SORCS2: variants seen among roughly 807,000 people sequenced by gnomAD.
The protein encoded by SORCS2 is sortilin related VPS10 domain containing receptor 2.
SORCS2 carries 100 observed loss-of-function variants against 141.6 expected under a neutral mutation model. That is an observed-to-expected ratio of 0.71 (90% CI 0.60 to 0.83). The LOEUF (loss-of-function observed/expected upper bound fraction) is 0.83. SORCS2 is among the 40% of genes least tolerant of loss of function. The pLI, the probability that SORCS2 is intolerant of heterozygous loss-of-function variation, is 0.00. For synonymous variants in SORCS2, 789 were observed against 676.9 expected, an observed-to-expected ratio of 1.17 and a Z score of -2.57; for missense variants, 1,646 against 1,560.2, an observed-to-expected ratio of 1.05 and a Z score of -0.93.
intron 3 of SORCS2, among the ~76,000 whole-genome samples, chr4:7,622,617 G>A (rs1291800373): frequency 2.6e-5 from 4 of 152,086 alleles, no homozygotes; most frequent in African/African-American, 2.4e-5. Context: ...GTGGGAGGGC[G>A]CCTGGCCGGG....
intron 2 of SORCS2, among the ~76,000 whole-genome samples, chr4:7,422,368 C>A (rs1226317799): frequency 6.6e-6 from 1 of 152,174 alleles, no homozygotes; most frequent in Non-Finnish European, 1.5e-5. Flanking sequence ...GGATGCCCTG[C>A]CCGCTTCTAC....
intron 3 of SORCS2, among the ~76,000 whole-genome samples, chr4:7,603,132 A>G (rs933905457): frequency 2.6e-5 from 4 of 151,102 alleles, no homozygotes; most frequent in African/African-American, 4.9e-5. Flanking sequence ...TCCGCTCGGC[A>G]TCAGAGGGAG....
chr4:7,396,480 C>A, intron 2 of SORCS2, 125 bp downstream of exon 2: 3 of 908,534 alleles, frequency 3.3e-6, no homozygotes, highest in East Asian at 5.3e-5. Context: ...GGCCTCGCAA[C>A]TTTTCTTTGG....
At chr4:7,536,017 G>A (rs1057448919) in intron 3 of SORCS2, among the ~76,000 whole-genome samples, 9 of 152,362 alleles carry the variant, frequency 5.9e-5, no homozygotes, top group East Asian at 1.9e-4. Flanking sequence ...CTGGCAGTGC[G>A]CTTCTGCCTC....
chr4:7,533,687 C>G (rs1711855131), intron 3 of SORCS2, among the ~76,000 whole-genome samples: 1 of 152,236 alleles, frequency 6.6e-6, no homozygotes, highest in Non-Finnish European at 1.5e-5. Flanking sequence ...CCAAGAGAGA[C>G]TCTGAGGCCC....
chr4:7,409,091 A>G (rs1209116550), intron 2 of SORCS2, among the ~76,000 whole-genome samples: 1 of 152,188 alleles, frequency 6.6e-6, no homozygotes, highest in Non-Finnish European at 1.5e-5. Context: ...TACTTTGTCC[A>G]TTTTGGGAGA....
chr4:7,476,567 C>G (rs12499489), intron 2 of SORCS2, among the ~76,000 whole-genome samples: 20,921 of 151,858 alleles, frequency 0.14, 1,934 homozygotes, highest in South Asian at 0.25. Context: ...TAAAACCTGT[C>G]ACCTTTCTCT....
At chr4:7,327,938 T>C (rs1013825389) in intron 1 of SORCS2, among the ~76,000 whole-genome samples, 2 of 151,530 alleles carry the variant, frequency 1.3e-5, no homozygotes, top group African/African-American at 4.8e-5. Flanking sequence ...CGGACTCTAC[T>C]ATGACACGTC....
chr4:7,373,929 T>G (rs920612603), intron 1 of SORCS2, among the ~76,000 whole-genome samples: 1 of 152,310 alleles, frequency 6.6e-6, no homozygotes, highest in South Asian at 2.1e-4. Flanking sequence ...TATCTATAGA[T>G]TAATATTTTT....
rs1379693048 is a variant in SORCS2, at chr4:7,740,272, C to T, written c.*8C>T. 2.5e-6 allele frequency: 4 copies of T among 1,608,112 alleles called. No individual in the cohort carries two copies. Among genetic ancestry groups the T allele is most frequent in the South Asian group, 2.2e-5 (2 of 90,738 alleles). ...AGCTACCTGGTGAGCTGATGCCACC[C>T]CAGCATCTGTCTTTTCACCCACGGA... On this transcript the variant is annotated 3_prime_UTR_variant, in exon 27 of 27. Coordinates refer to ENST00000507866, the MANE Select transcript of SORCS2 (RefSeq NM_020777.3).
chr4:7,299,688 G>A (rs756988512), intron 1 of SORCS2, among the ~76,000 whole-genome samples: 2 of 152,194 alleles, frequency 1.3e-5, no homozygotes, highest in Non-Finnish European at 2.9e-5. Context: ...TGAAAACAAG[G>A]GAGATGGGGA....
chr4:7,728,703 C>A (rs1338524037), intron 22 of SORCS2, among the ~76,000 whole-genome samples: 1 of 152,234 alleles, frequency 6.6e-6, no homozygotes, highest in East Asian at 1.9e-4. Flanking sequence ...CCACAGGCAC[C>A]CTCCATGCAC....
chr4:7,737,162 C>T lies in SORCS2; in HGVS notation c.3405C>T (p.Gly1135=), dbSNP rs377559686. ...SPVSHSEDVQ[G]AVQGNHSGVV... Reference sequence around the variant, plus strand: ...TGAGTCACAGTGAGGACGTCCAGGGCGCTGTCCAGGGTGAGGAGTTTATAG... The same window carrying T: ...TGAGTCACAGTGAGGACGTCCAGGGTGCTGTCCAGGGTGAGGAGTTTATAG... The change falls in exon 26 of 27, where the codon GGC becomes GGT. Residue 1135 remains glycine (G), a synonymous_variant. Transcript: ENST00000507866. The T allele has an allele frequency of 5.1e-5, 79 of 1,551,166 alleles. No homozygotes were observed. Among genetic ancestry groups the T allele is most frequent in the South Asian group, 1.9e-4 (16 of 84,052 alleles).
chr4:7,211,644 A>G (rs1460175112), intron 1 of SORCS2, among the ~76,000 whole-genome samples: 1 of 152,178 alleles, frequency 6.6e-6, no homozygotes, highest in East Asian at 1.9e-4. Context: ...AAGTGCTGGG[A>G]TTACAGGTGT....
intron 2 of SORCS2, among the ~76,000 whole-genome samples, chr4:7,510,510 A>G (rs1477073619): frequency 4.5e-5 from 5 of 111,840 alleles, no homozygotes; most frequent in African/African-American, 1.4e-4. Flanking sequence ...GACAGCGGCC[A>G]TGGGCAGTGC....
At chr4:7,423,560 G>A (rs115390729) in intron 2 of SORCS2, among the ~76,000 whole-genome samples, 1,735 of 152,316 alleles carry the variant, frequency 0.011, 38 homozygotes, top group African/African-American at 0.04. Context: ...TGTTACTGGT[G>A]TGCACCACCA....
chr4:7,276,555 C>T (rs563314060), intron 1 of SORCS2, among the ~76,000 whole-genome samples: 26 of 152,132 alleles, frequency 1.7e-4, no homozygotes, highest in South Asian at 4.1e-4. Flanking sequence ...TTATTGCTGC[C>T]GCTTCCTGCC....
intron 3 of SORCS2, among the ~76,000 whole-genome samples, chr4:7,602,742 C>G (rs1263173765): frequency 6.6e-6 from 1 of 152,080 alleles, no homozygotes; most frequent in Non-Finnish European, 1.5e-5. Context: ...ACGCTCCTCA[C>G]TTCCCAGACG....
At chr4:7,207,167 G>T (rs145167293) in intron 1 of SORCS2, among the ~76,000 whole-genome samples, 2 of 152,330 alleles carry the variant, frequency 1.3e-5, no homozygotes, top group Non-Finnish European at 2.9e-5. Context: ...GCCTTCTAAT[G>T]GAGGGAGCCC....
Sources: allele counts gnomAD v4.1 joint callset (sites outside exome capture counted in the v4.1 genomes callset), GRCh38; gene constraint gnomAD v4.1.1; transcripts MANE v1.5; gene names NCBI Gene and HGNC (gene_info 2026-07-23, HGNC 2026-07-21).